The following DPP10 variants were observed in gnomAD, a reference collection of about 807,000 sequenced individuals.
DPP10 encodes the protein dipeptidyl peptidase like 10, also known as inactive dipeptidyl peptidase 10.
In DPP10, 33 loss-of-function variants were observed where a neutral mutation model predicts 120.9. The observed-to-expected ratio is 0.27, with a 90% CI of 0.21 to 0.37. The LOEUF is 0.37. Ranked by LOEUF, DPP10 falls within the 10% of genes least tolerant of loss-of-function variation. The probability of loss-of-function intolerance (pLI) is 1.00; values close to 1 mark genes in which losing one functional copy is unlikely to be tolerated. For missense variants in DPP10, 816 were observed against 942.8 expected, an observed-to-expected ratio of 0.87 and a Z score of 1.76; for synonymous variants, 337 against 326.1, an observed-to-expected ratio of 1.03 and a Z score of -0.36.
intron 1 of DPP10, among the ~76,000 whole-genome samples, chr2:114,640,468 G>A (rs1170327061): frequency 6.6e-6 from 1 of 151,868 alleles, no homozygotes; most frequent in Non-Finnish European, 1.5e-5. Flanking sequence ...CAGCCATAGT[G>A]TATGAAGGAG....
chr2:114,559,865 G>T (rs1688613901), intron 1 of DPP10, among the ~76,000 whole-genome samples: 1 of 118,116 alleles, frequency 8.5e-6, no homozygotes, highest in Non-Finnish European at 1.7e-5. Context: ...CACAGATATT[G>T]TCATAGACTG....
chr2:114,613,966 C>A (rs919327203), intron 1 of DPP10, among the ~76,000 whole-genome samples: 1 of 151,750 alleles, frequency 6.6e-6, no homozygotes, highest in African/African-American at 2.4e-5. Flanking sequence ...CAGGGCCTGT[C>A]GGGGGTTGGG....
chr2:114,841,439 A>G (rs1046291529), intron 1 of DPP10, among the ~76,000 whole-genome samples: 1 of 152,188 alleles, frequency 6.6e-6, no homozygotes, highest in Non-Finnish European at 1.5e-5. Context: ...GGGAAAAGTC[A>G]ACCTGGGCAT....
chr2:115,443,839 A>G (rs2072309509), intron 3 of DPP10, among the ~76,000 whole-genome samples: 1 of 152,046 alleles, frequency 6.6e-6, no homozygotes, highest in African/African-American at 2.4e-5. Context: ...AGCACTATTG[A>G]TATTTGGGCC....
chr2:114,899,669 G>A (rs1051771844), intron 1 of DPP10, among the ~76,000 whole-genome samples: 1 of 146,710 alleles, frequency 6.8e-6, no homozygotes, highest in African/African-American at 2.5e-5. Flanking sequence ...AGATTTATTC[G>A]TGTTAGGGCC....
At chr2:114,486,317 C>T (rs1289759486) in intron 1 of DPP10, among the ~76,000 whole-genome samples, 1 of 151,868 alleles carries the variant, frequency 6.6e-6, no homozygotes, top group Non-Finnish European at 1.5e-5. Flanking sequence ...ATTACATTTC[C>T]TTGTGGCCAA....
rs758635933 is a variant in DPP10 at position 115,689,686 on chromosome 2, G to T, written c.442-1G>T. On this transcript the variant is annotated splice_acceptor_variant, in intron 5 of 25. Coordinates refer to ENST00000410059, the MANE Select transcript of DPP10 (RefSeq NM_020868.6). LOFTEE classifies it high-confidence loss of function. ...CAATAATGTTTCTTTTTTAATTTCA[G>T]ATTTTTCATTATTCGTATACTGCTT... 2.0e-6 allele frequency: 3 copies of T among 1,526,002 alleles called. No individual in the cohort carries two copies. Among genetic ancestry groups the T allele is most frequent in the Non-Finnish European group, 2.7e-6 (3 of 1,118,788 alleles). 94.5% of individuals were successfully genotyped at this position (1,526,002 alleles called of 1,614,324 possible).
chr2:115,739,431 C>A (rs753648325), intron 8 of DPP10, among the ~76,000 whole-genome samples: 6 of 151,964 alleles, frequency 3.9e-5, no homozygotes, highest in Non-Finnish European at 8.8e-5. Flanking sequence ...TTTTAGGCCA[C>A]ATCTCACTCT....
At chr2:115,680,542 G>A (rs2090579274) in intron 5 of DPP10, among the ~76,000 whole-genome samples, 1 of 151,792 alleles carries the variant, frequency 6.6e-6, no homozygotes, top group Admixed American at 6.6e-5. Context: ...AAACAAAAGT[G>A]GATGTATACC....
rs546260669 is a variant in DPP10 at position 115,625,512 on chromosome 2, G to A, written c.442-64175G>A. Among the ~76,000 whole-genome samples the A allele has an allele frequency of 5.3e-5, 8 of 152,184 alleles. No individual in the cohort carries two copies. In the South Asian group the frequency reaches 6.2e-4, roughly 12 times the overall value. ...TCCATTCTGAGGGACAAAGATAAAC[G>A]TTAAGGTATTCAAGAAAAGTTAAAT... On this transcript the variant is annotated intron_variant, in intron 5 of 25. Coordinates refer to ENST00000410059, the MANE Select transcript of DPP10 (RefSeq NM_020868.6).
At chr2:115,086,528 C>A (rs1196862788) in intron 1 of DPP10, among the ~76,000 whole-genome samples, 1 of 150,036 alleles carries the variant, frequency 6.7e-6, no homozygotes, top group African/African-American at 2.5e-5. Context: ...GCCATCTCGG[C>A]TCACTGCAAG....
intron 1 of DPP10, among the ~76,000 whole-genome samples, chr2:114,642,439 GA>G (rs1235647230): frequency 6.6e-6 from 1 of 151,794 alleles, no homozygotes; most frequent in Non-Finnish European, 1.5e-5. Flanking sequence ...CCAATGAGTT[GA>G]CAAAATTAAA....
intron 1 of DPP10, among the ~76,000 whole-genome samples, chr2:114,521,233 GTCTC>G (rs766336891): frequency 1.5e-4 from 20 of 135,784 alleles, no homozygotes; most frequent in African/African-American, 4.7e-4. Flanking sequence ...AATCTAATCT[GTCTC>G]TCTCACATGC....
chr2:114,615,397 T>A (rs1198774576), intron 1 of DPP10, among the ~76,000 whole-genome samples: 1 of 152,158 alleles, frequency 6.6e-6, no homozygotes. Flanking sequence ...TTTGTCTCTA[T>A]TCTCTTGGCT....
chr2:114,745,663 C>T (rs1468982707), intron 1 of DPP10, among the ~76,000 whole-genome samples: 1 of 152,214 alleles, frequency 6.6e-6, no homozygotes, highest in African/African-American at 2.4e-5. Flanking sequence ...ATTTCCATTT[C>T]TTTCCTGCTT....
At chr2:114,635,922 ATT>A (rs1695268859) in intron 1 of DPP10, among the ~76,000 whole-genome samples, 1 of 151,986 alleles carries the variant, frequency 6.6e-6, no homozygotes, top group African/African-American at 2.4e-5. Flanking sequence ...AGAAAATTAC[ATT>A]TGTTAATATC....
chr2:115,682,336 G>A (rs2090718086), intron 5 of DPP10, among the ~76,000 whole-genome samples: 1 of 151,862 alleles, frequency 6.6e-6, no homozygotes, highest in Admixed American at 6.6e-5. Context: ...TGAAAATATT[G>A]TATTACAAAC....
intron 3 of DPP10, among the ~76,000 whole-genome samples, chr2:115,392,529 C>T (rs902800742): frequency 6.6e-6 from 1 of 152,036 alleles, no homozygotes; most frequent in African/African-American, 2.4e-5. Flanking sequence ...CTTAATATCA[C>T]ATATATATAA....
chr2:115,036,237 C>T lies in DPP10; in HGVS notation c.61-273002C>T, dbSNP rs188406838. Among the ~76,000 whole-genome samples, 48 of 152,260 alleles carry T rather than the reference C, an allele frequency of 3.2e-4. No homozygotes were observed. In the East Asian group the frequency reaches 6.4e-3, roughly 20 times the overall value. On this transcript the variant is annotated intron_variant, in intron 1 of 25. Coordinates refer to ENST00000410059, the MANE Select transcript of DPP10 (RefSeq NM_020868.6). ...ATCTCATGAGACTCACTCACTATCACGAGGACAGCATGGGCAAAACTGCCC... is the reference window on the plus strand; with the variant it reads ...ATCTCATGAGACTCACTCACTATCATGAGGACAGCATGGGCAAAACTGCCC...
Sources: gnomAD v4.1 joint callset for allele counts (sites outside exome capture counted in the v4.1 genomes callset) on GRCh38, gnomAD v4.1.1 for gene constraint, MANE v1.5 for transcripts, NCBI Gene and HGNC (gene_info 2026-07-23, HGNC 2026-07-21) for gene names.